The following BLK variants were observed in gnomAD, a reference collection of about 807,000 sequenced individuals.
BLK encodes BLK proto-oncogene, Src family tyrosine kinase.
In BLK, 64 loss-of-function variants were observed where a neutral mutation model predicts 61.8. The observed-to-expected ratio is 1.03, with a 90% confidence interval of 0.85 to 1.27. The LOEUF is 1.27. Ranked by LOEUF, BLK falls within the 50% of genes most tolerant of loss-of-function variation. The pLI is 0.00. For missense variants in BLK, 853 were observed against 660.5 expected (o/e 1.29, Z -3.19); for synonymous variants, 351 against 272.0 (o/e 1.29, Z -2.86).
intron 4 of BLK, among the ~76,000 whole-genome samples, chr8:11,548,602 C>A (rs756578050): frequency 6.6e-6 from 1 of 152,338 alleles, no homozygotes; most frequent in Admixed American, 6.5e-5. Flanking sequence ...CAGGCTTGTC[C>A]TGTGGAGCTC....
At position 11,525,873 on chromosome 8, in the gene BLK, T is replaced by C. The variant is rs561648408; in HGVS notation, c.-1-17351T>C. ...GATTCTCCTGCCTTAGCCTCCTGAGTAGCTGGAATTACAGGCACCCACCAC... is the reference window on the plus strand; with the variant it reads ...GATTCTCCTGCCTTAGCCTCCTGAGCAGCTGGAATTACAGGCACCCACCAC... On this transcript the variant is annotated intron_variant, in intron 1 of 12. Transcript: ENST00000259089. Among the ~76,000 whole-genome samples, 6 of 152,172 alleles carry C rather than the reference T, an allele frequency of 3.9e-5. 1 individual carries two copies. The South Asian group carries it at 1.2e-3, about 32-fold the overall frequency.
chr8:11,494,705 C>G (rs76991879), intron 1 of BLK, 114 bp downstream of exon 1: 1 of 152,184 alleles, frequency 6.6e-6, no homozygotes, highest in Middle Eastern at 3.2e-3. Flanking sequence ...GTGCCACAGA[C>G]GGAGGAAGAG....
chr8:11,555,825 C>T (rs143306652), intron 8 of BLK: 8 of 386,854 alleles, frequency 2.1e-5, no homozygotes, highest in African/African-American at 4.2e-5. Context: ...CAGATGGAAA[C>T]AGGAGGTTAA....
chr8:11,538,284 G>A (rs981981724), intron 1 of BLK, among the ~76,000 whole-genome samples: 1 of 152,216 alleles, frequency 6.6e-6, no homozygotes, highest in Non-Finnish European at 1.5e-5. Flanking sequence ...TTTTGCCTCT[G>A]TCTGGACTTC....
At chr8:11,496,463 C>T (rs1798362160) in intron 1 of BLK, among the ~76,000 whole-genome samples, 1 of 152,210 alleles carries the variant, frequency 6.6e-6, no homozygotes. Flanking sequence ...GGCTGATCTC[C>T]AACCCCTGGC....
At chr8:11,560,893 C>T (rs757968920) in intron 10 of BLK, 1 of 467,500 alleles carries the variant, frequency 2.1e-6, no homozygotes, top group Non-Finnish European at 4.3e-6. Context: ...GCTCCAGGAG[C>T]TGTGCTTCCA....
chr8:11,513,608 G>A (rs1799108746), intron 1 of BLK, among the ~76,000 whole-genome samples: 1 of 152,230 alleles, frequency 6.6e-6, no homozygotes, highest in African/African-American at 2.4e-5. Context: ...TCGCTGCACA[G>A]AGACAGAAGC....
At position 11,543,341 on chromosome 8, in the gene BLK, G is replaced by A. The variant is rs745995566; in HGVS notation, c.117G>A (p.Pro39=). The A allele has an allele frequency of 5.6e-6, 9 of 1,612,970 alleles. No homozygotes were observed. Among genetic ancestry groups the A allele is most frequent in the Middle Eastern group, 3.3e-4 (2 of 6,060 alleles). The stretch of plus-strand genomic sequence containing the variant: ...AAGACAAGGACGCCCCGCCACTGCC[G>A]CCCCTGGTGAGTGATTGCCCACCCC... ...SAQDKDAPPL[P]PLVVFNHLTP... The change falls in exon 2 of 13, where the codon CCG becomes CCA. Residue 39 remains proline (P), a synonymous_variant. Transcript: ENST00000259089.
intron 1 of BLK, among the ~76,000 whole-genome samples, chr8:11,537,966 C>T (rs1800205154): frequency 6.6e-6 from 1 of 152,060 alleles, no homozygotes; most frequent in South Asian, 2.1e-4. Flanking sequence ...AAACAAACAA[C>T]TCCCCTTTCC....
intron 3 of BLK, among the ~76,000 whole-genome samples, chr8:11,547,806 C>T (rs1188302745): frequency 6.6e-6 from 1 of 152,126 alleles, no homozygotes; most frequent in African/African-American, 2.4e-5. Flanking sequence ...TTGTCCAGGT[C>T]ATAGGGCTTC....
At chr8:11,539,029 G>A (rs1396198013) in intron 1 of BLK, among the ~76,000 whole-genome samples, 2 of 152,002 alleles carry the variant, frequency 1.3e-5, no homozygotes, top group African/African-American at 4.8e-5. Context: ...ATACTTTGGT[G>A]GGACCTGCTT....
chr8:11,530,112 A>C (rs927477463), intron 1 of BLK, among the ~76,000 whole-genome samples: 2 of 152,236 alleles, frequency 1.3e-5, no homozygotes, highest in Non-Finnish European at 2.9e-5. Context: ...TATTTACATA[A>C]AGTGCAGCAA....
chr8:11,556,170 G>A, intron 8 of BLK: 1 of 230,868 alleles, frequency 4.3e-6, no homozygotes, highest in Non-Finnish European at 8.6e-6. Context: ...GCCCTTCAGG[G>A]GACTTCATGG....
At chr8:11,551,979 G>A (rs976949391) in intron 6 of BLK, among the ~76,000 whole-genome samples, 1 of 152,196 alleles carries the variant, frequency 6.6e-6, no homozygotes, top group African/African-American at 2.4e-5. Context: ...TGCTCATCAG[G>A]AAGCTGTCCA....
intron 1 of BLK, among the ~76,000 whole-genome samples, chr8:11,512,151 C>G (rs1799035590): frequency 6.6e-6 from 1 of 152,176 alleles, no homozygotes; most frequent in Non-Finnish European, 1.5e-5. Flanking sequence ...CACGCAAGTT[C>G]TATGCTACTG....
rs1234737422 is a variant in BLK at position 11,561,366 on chromosome 8, A to G, written c.1094A>G (p.Asn365Ser). 5 of 1,614,040 alleles carry G rather than the reference A, an allele frequency of 3.1e-6. No individual in the cohort carries two copies. Among genetic ancestry groups the G allele is most frequent in the African/African-American group, 2.7e-5 (2 of 74,932 alleles). The change falls in exon 11 of 13, where the codon AAC becomes AGC. Residue 365 changes from asparagine (N) to serine (S), a missense_variant. Coordinates refer to ENST00000259089, the MANE Select transcript of BLK (RefSeq NM_001715.3). ...ATCCACCGCGACCTGCGGGCGGCCAACATCCTGGTGTCTGAGGCCTTGTGC... is the reference window on the plus strand; with the variant it reads ...ATCCACCGCGACCTGCGGGCGGCCAGCATCCTGGTGTCTGAGGCCTTGTGC... ...NSIHRDLRAA[N>S]ILVSEALCCK...
At chr8:11,525,278 T>A (rs1799612269) in intron 1 of BLK, among the ~76,000 whole-genome samples, 1 of 152,248 alleles carries the variant, frequency 6.6e-6, no homozygotes. Flanking sequence ...TACTTTCTGT[T>A]TAACCCAAAT....
intron 1 of BLK, among the ~76,000 whole-genome samples, chr8:11,497,285 C>A (rs939426964): frequency 2.0e-5 from 3 of 152,132 alleles, no homozygotes; most frequent in African/African-American, 7.2e-5. Context: ...TCTGCTACCC[C>A]ACTGCCAGCC....
intron 1 of BLK, 136 bp from the exon 2 acceptor site, chr8:11,543,088 C>T (rs552766911): frequency 7.2e-7 from 1 of 1,386,436 alleles, no homozygotes; most frequent in Non-Finnish European, 1.0e-6. Context: ...CACGTTCTGA[C>T]TTTGAGGTCT....
Sources: gnomAD v4.1 joint callset for allele counts (sites outside exome capture counted in the v4.1 genomes callset) on GRCh38, gnomAD v4.1.1 for gene constraint, MANE v1.5 for transcripts, NCBI Gene and HGNC (gene_info 2026-07-23, HGNC 2026-07-21) for gene names.